The following DNAH7 variants were observed in gnomAD, a reference collection of about 807,000 sequenced individuals.
The protein encoded by DNAH7 is axonemal beta dynein heavy chain 7.
Under a neutral mutation model 444.6 loss-of-function variants are expected in DNAH7, and 397 were observed. The ratio of observed to expected loss-of-function variants is 0.89; its 90% confidence interval spans 0.82 to 0.97. DNAH7 has a LOEUF of 0.97. DNAH7 is among the 50% of genes least tolerant of loss of function. DNAH7 has a pLI of 0.00. For synonymous variants in DNAH7, 1,636 were observed against 1,624.4 expected (o/e 1.01, Z -0.17); for missense variants, 4,902 against 4,800.8 (o/e 1.02, Z -0.62).
intron 60 of DNAH7, among the ~76,000 whole-genome samples, chr2:195,773,535 C>T (rs891999628): frequency 1.3e-5 from 2 of 151,880 alleles, no homozygotes; most frequent in Admixed American, 6.6e-5. Flanking sequence ...CACATGATTA[C>T]GGTGATAGGT....
intron 12 of DNAH7, chr2:195,999,079 A>G: frequency 1.4e-6 from 1 of 716,460 alleles, no homozygotes. Context: ...AAGGTCGAGC[A>G]AAGTTGGAAG....
intron 38 of DNAH7, 78 bp downstream of exon 38, chr2:195,875,597 G>A: frequency 1.5e-6 from 2 of 1,376,806 alleles, no homozygotes; most frequent in Non-Finnish European, 2.0e-6. Context: ...CTCAAAAGAG[G>A]ATTTTTTTCC....
intron 12 of DNAH7, among the ~76,000 whole-genome samples, chr2:195,993,045 A>G (rs553661362): frequency 6.6e-6 from 1 of 152,114 alleles, no homozygotes; most frequent in Non-Finnish European, 1.5e-5. Context: ...ACCTGACCCC[A>G]TCCTGAGAAG....
In DNAH7 at chr2:195,900,275, T is replaced by C. The variant is rs760730579; in HGVS notation, c.4548+7A>G. ...AATTTACAAGTAAGAAATATTGTGTTCTCTACCTTCAGATTCCCAGCAGCA... is the reference window on the plus strand; with the variant it reads ...AATTTACAAGTAAGAAATATTGTGTCCTCTACCTTCAGATTCCCAGCAGCA... On this transcript the variant is annotated splice_region_variant and intron_variant, in intron 28 of 64. Transcript: ENST00000312428. 1 of 1,613,586 alleles carries C rather than the reference T, an allele frequency of 6.2e-7. No individual in the cohort carries two copies. Among genetic ancestry groups the C allele is most frequent in the South Asian group, 1.1e-5 (1 of 91,054 alleles).
chr2:196,018,854 T>C (rs1458299636), intron 9 of DNAH7, among the ~76,000 whole-genome samples: 16 of 152,086 alleles, frequency 1.1e-4, no homozygotes. Context: ...GAAAAATGCT[T>C]GAGGGGATGG....
chr2:195,999,434 A>G (rs74633379), intron 12 of DNAH7, among the ~76,000 whole-genome samples: 12,539 of 152,212 alleles, frequency 0.082, 833 homozygotes, highest in East Asian at 0.28. Context: ...GAAACTCCAA[A>G]GGAATCAACT....
intron 2 of DNAH7, among the ~76,000 whole-genome samples, chr2:196,054,851 T>C (rs544953530): frequency 1.3e-5 from 2 of 152,286 alleles, no homozygotes; most frequent in Admixed American, 1.3e-4. Flanking sequence ...TCTTGTCTCC[T>C]GCCACCATGT....
At chr2:195,845,630 A>G (rs1574547733) in intron 46 of DNAH7, among the ~76,000 whole-genome samples, 1 of 152,202 alleles carries the variant, frequency 6.6e-6, no homozygotes, top group Non-Finnish European at 1.5e-5. Flanking sequence ...CAAGGCTCCA[A>G]TAACCAAAAC....
intron 8 of DNAH7, among the ~76,000 whole-genome samples, chr2:196,021,320 A>C (rs1453394700): frequency 2.0e-5 from 3 of 152,324 alleles, no homozygotes; most frequent in Non-Finnish European, 1.5e-5. Flanking sequence ...TTAGGCTTAA[A>C]TACATAAATA....
chr2:195,991,836 T>C (rs893228950), intron 12 of DNAH7, among the ~76,000 whole-genome samples: 1 of 151,884 alleles, frequency 6.6e-6, no homozygotes, highest in African/African-American at 2.4e-5. Context: ...TGGTACTTAC[T>C]AACTCACTTT....
chr2:195,995,491 C>A (rs1693639680), intron 12 of DNAH7: 2 of 335,146 alleles, frequency 6.0e-6, no homozygotes, highest in African/African-American at 2.2e-5. Context: ...TTGAAACCAT[C>A]TGAGAGGTAC....
chr2:195,834,454 T>A, intron 47 of DNAH7, 94 bp from the exon 48 acceptor site: 2 of 1,321,894 alleles, frequency 1.5e-6, no homozygotes, highest in Non-Finnish European at 2.0e-6. Context: ...TTTAAAAGTT[T>A]GCCCTTTATT....
chr2:195,956,027 GTAT>G (rs1387320808), intron 19 of DNAH7, among the ~76,000 whole-genome samples: 5 of 151,996 alleles, frequency 3.3e-5, no homozygotes, highest in Non-Finnish European at 7.4e-5. Flanking sequence ...TTTGTTTCAG[GTAT>G]TATTACATAA....
chr2:195,806,589 T>C, intron 54 of DNAH7, 151 bp downstream of exon 54: 1 of 529,046 alleles, frequency 1.9e-6, no homozygotes, highest in Non-Finnish European at 3.2e-6. Flanking sequence ...ACAAACTTTT[T>C]GAAAAAAATG....
At chr2:195,755,136 A>G (rs1261832534) in intron 62 of DNAH7, among the ~76,000 whole-genome samples, 1 of 152,250 alleles carries the variant, frequency 6.6e-6, no homozygotes, top group Admixed American at 6.5e-5. Flanking sequence ...ACAGAAGAAG[A>G]GATCCCCATA....
intron 51 of DNAH7, among the ~76,000 whole-genome samples, chr2:195,812,066 T>C (rs977071019): frequency 6.6e-6 from 1 of 152,142 alleles, no homozygotes; most frequent in African/African-American, 2.4e-5. Context: ...TTTCTGACTA[T>C]TGGATGGCCT....
chr2:195,839,942 A>G (rs956741907), intron 47 of DNAH7, among the ~76,000 whole-genome samples: 10 of 151,816 alleles, frequency 6.6e-5, no homozygotes, highest in Admixed American at 6.6e-4. Flanking sequence ...ACATTTAAGA[A>G]AGAAATAATT....
intron 53 of DNAH7, among the ~76,000 whole-genome samples, chr2:195,808,047 T>C (rs963943791): frequency 6.6e-6 from 1 of 152,130 alleles, no homozygotes; most frequent in African/African-American, 2.4e-5. Context: ...AGGAGAGCTC[T>C]TGCATATTAA....
intron 52 of DNAH7, among the ~76,000 whole-genome samples, chr2:195,809,529 CAT>C (rs1257031515): frequency 5.9e-5 from 9 of 152,080 alleles, no homozygotes; most frequent in African/African-American, 9.7e-5. Flanking sequence ...TAAAATAAAA[CAT>C]AATTTAATAG....
Sources: gnomAD v4.1 joint callset for allele counts (sites outside exome capture counted in the v4.1 genomes callset) on GRCh38, gnomAD v4.1.1 for gene constraint, MANE v1.5 for transcripts, NCBI Gene and HGNC (gene_info 2026-07-23, HGNC 2026-07-21) for gene names.